ANKRD13C: variants seen among roughly 807,000 people sequenced by gnomAD.
ANKRD13C encodes ankyrin repeat domain 13C.
In ANKRD13C, 16 loss-of-function variants were observed where a neutral mutation model predicts 65.5. The observed-to-expected ratio is 0.24, with a 90% CI of 0.17 to 0.37. The LOEUF is 0.37. Ranked by LOEUF, ANKRD13C falls within the 10% of genes least tolerant of loss-of-function variation. The pLI, the probability that ANKRD13C is intolerant of heterozygous loss-of-function variation, is 1.00. For missense variants in ANKRD13C, 503 were observed against 655.9 expected, an observed-to-expected ratio of 0.77 and a Z score of 2.55; for synonymous variants, 235 against 238.7, an observed-to-expected ratio of 0.98 and a Z score of 0.14.
chr1:70,321,493 G>A (rs903605524), intron 3 of ANKRD13C, among the ~76,000 whole-genome samples: 5 of 152,000 alleles, frequency 3.3e-5, no homozygotes, highest in South Asian at 2.1e-4. Context: ...GACAAAGGCC[G>A]ACAGAATTCC....
intron 1 of ANKRD13C, among the ~76,000 whole-genome samples, chr1:70,349,061 AC>A (rs1682642242): frequency 6.6e-6 from 1 of 152,202 alleles, no homozygotes; most frequent in Non-Finnish European, 1.5e-5. Flanking sequence ...AAACAAAATT[AC>A]AAGTCTAACC....
intron 9 of ANKRD13C, among the ~76,000 whole-genome samples, chr1:70,281,396 C>CTTTTT (rs71583111): frequency 1.9e-4 from 16 of 85,344 alleles, no homozygotes; most frequent in Admixed American, 4.4e-4. Context: ...TGACTAAATT[C>CTTTTT]TTTTTTTTTT....
At chr1:70,329,906 C>T (rs1681708867) in intron 2 of ANKRD13C, among the ~76,000 whole-genome samples, 1 of 151,980 alleles carries the variant, frequency 6.6e-6, no homozygotes, top group African/African-American at 2.4e-5. Flanking sequence ...GCCTGACCAA[C>T]ATGGTGAAAC....
intron 1 of ANKRD13C, among the ~76,000 whole-genome samples, chr1:70,351,141 T>C (rs1682726877): frequency 6.6e-6 from 1 of 152,324 alleles, no homozygotes; most frequent in South Asian, 2.1e-4. Flanking sequence ...TTTGCAGGGC[T>C]GCTGTGAGGA....
chr1:70,315,676 T>A (rs1283218603), intron 3 of ANKRD13C, 110 bp from the exon 4 acceptor site: 2 of 764,034 alleles, frequency 2.6e-6, no homozygotes, highest in Non-Finnish European at 4.1e-6. Context: ...TATATGCACG[T>A]GCATGTATGT....
At chr1:70,335,909 T>C (rs891326078) in intron 2 of ANKRD13C, 149 bp downstream of exon 2, 8 of 243,628 alleles carry the variant, frequency 3.3e-5, no homozygotes, top group Non-Finnish European at 6.5e-5. Flanking sequence ...AACAAGAAAA[T>C]ATTTACTAAT....
chr1:70,335,699 A>T (rs552178317), intron 2 of ANKRD13C, among the ~76,000 whole-genome samples: 2 of 149,490 alleles, frequency 1.3e-5, no homozygotes, highest in Admixed American at 6.7e-5. Flanking sequence ...TATATATATA[A>T]AATATTATAT....
intron 1 of ANKRD13C, among the ~76,000 whole-genome samples, chr1:70,351,190 T>A (rs1682728734): frequency 1.3e-5 from 2 of 152,184 alleles, no homozygotes; most frequent in African/African-American, 4.8e-5. Context: ...AGCACCCTGC[T>A]GACCCACTGG....
chr1:70,268,980 C>A (rs1295990528), intron 12 of ANKRD13C, among the ~76,000 whole-genome samples: 1 of 151,904 alleles, frequency 6.6e-6, no homozygotes, highest in Non-Finnish European at 1.5e-5. Context: ...TGCTGGTGCG[C>A]TGCACCCACT....
At chr1:70,317,996 G>A (rs1309530974) in intron 3 of ANKRD13C, among the ~76,000 whole-genome samples, 2 of 151,962 alleles carry the variant, frequency 1.3e-5, no homozygotes, top group Admixed American at 6.6e-5. Context: ...AATAAATAAC[G>A]ACCAAACATC....
At chr1:70,311,212 G>T (rs566305360) in intron 5 of ANKRD13C, among the ~76,000 whole-genome samples, 8 of 152,238 alleles carry the variant, frequency 5.3e-5, no homozygotes, top group African/African-American at 1.4e-4. Flanking sequence ...AAAAATGATG[G>T]CTGGGTGTAG....
At chr1:70,315,748 C>T (rs1337453790) in intron 3 of ANKRD13C, among the ~76,000 whole-genome samples, 182 bp from the exon 4 acceptor site, 1 of 152,004 alleles carries the variant, frequency 6.6e-6, no homozygotes, top group African/African-American at 2.4e-5. Flanking sequence ...AATCAAAGAG[C>T]AATGTTTAAA....
At chr1:70,270,808 TC>T (rs1435905549) in intron 12 of ANKRD13C, 47 bp downstream of exon 12, 3 of 1,283,636 alleles carry the variant, frequency 2.3e-6, no homozygotes, top group Non-Finnish European at 3.3e-6. Flanking sequence ...AATAAACAGC[TC>T]CATATTCCTA....
chr1:70,293,916 GC>G (rs2101274920), intron 8 of ANKRD13C, among the ~76,000 whole-genome samples: 1 of 152,250 alleles, frequency 6.6e-6, no homozygotes, highest in African/African-American at 2.4e-5. Flanking sequence ...CTTATAACAG[GC>G]AAAGGCATGT....
Position 70,300,803 on chromosome 1 carries a change from T to G in ANKRD13C, c.882A>C (p.Leu294Phe). ...DAAPSESFVV[L>F]DNEQKVYQRI... ...GCTGATAAACTTTTTGTTCATTGTC[T>G]AATACTACAAAAGATTCAGAGGGCG... The change falls in exon 7 of 13, where the codon TTA becomes TTC. Residue 294 changes from leucine (L) to phenylalanine (F), a missense_variant. Leu to Phe is a conservative substitution (Grantham distance 22, BLOSUM62 0). Transcript: ENST00000370944. 6.2e-7 allele frequency: 1 copy of G among 1,613,464 alleles called. No individual in the cohort carries two copies. The highest frequency in any genetic ancestry group is 8.5e-7 in the Non-Finnish European group (1 of 1,179,764).
At position 70,339,155 on chromosome 1, in the gene ANKRD13C, A is replaced by G. The variant is rs554133825; in HGVS notation, c.431-3056T>C. Among the ~76,000 whole-genome samples, 20 of 151,526 alleles carry G rather than the reference A, an allele frequency of 1.3e-4. No individual in the cohort carries two copies. In the South Asian group the frequency reaches 3.3e-3, roughly 25 times the overall value. The stretch of plus-strand genomic sequence containing the variant: ...AGTCCGGGTGGCAGAGGTTGCAGTA[A>G]GCCGAGATGGCGGCATTGCACTCCA... On this transcript the variant is annotated intron_variant, in intron 1 of 12. Coordinates refer to ENST00000370944, the MANE Select transcript of ANKRD13C (RefSeq NM_030816.5).
At position 70,259,307 on chromosome 1, in the gene ANKRD13C, T is replaced by G. The variant is rs1375323784; in HGVS notation, c.*3410A>C. ...TTAAAGTCATTTTCACCGCAAAACA[T>G]GATGAAAACCAAGAATGATTAACAA... On this transcript the variant is annotated 3_prime_UTR_variant, in exon 13 of 13. Coordinates refer to ENST00000370944, the MANE Select transcript of ANKRD13C (RefSeq NM_030816.5). Among the ~76,000 whole-genome samples the G allele has an allele frequency of 6.6e-6, 1 of 152,194 alleles. No individual in the cohort carries two copies. Among genetic ancestry groups the G allele is most frequent in the Non-Finnish European group, 1.5e-5 (1 of 68,028 alleles).
intron 9 of ANKRD13C, among the ~76,000 whole-genome samples, chr1:70,280,243 G>C (rs188547189): frequency 6.6e-6 from 1 of 152,308 alleles, no homozygotes; most frequent in East Asian, 1.9e-4. Flanking sequence ...GCTACAGAAT[G>C]ATATAAACAT....
chr1:70,311,872 C>T (rs1215653688), intron 5 of ANKRD13C, among the ~76,000 whole-genome samples: 1 of 152,070 alleles, frequency 6.6e-6, no homozygotes, highest in Non-Finnish European at 1.5e-5. Flanking sequence ...TTTACACAAG[C>T]TGTAATGTAC....
Sources: allele counts gnomAD v4.1 joint callset (sites outside exome capture counted in the v4.1 genomes callset), GRCh38; gene constraint gnomAD v4.1.1; transcripts MANE v1.5; gene names NCBI Gene and HGNC (gene_info 2026-07-23, HGNC 2026-07-21).